MAST4: variants seen among roughly 807,000 people sequenced by gnomAD.
The protein encoded by MAST4 is microtubule-associated serine/threonine-protein kinase 4.
MAST4 carries 89 observed loss-of-function variants against 162.7 expected under a neutral mutation model. The ratio of observed to expected loss-of-function variants is 0.55; its 90% CI spans 0.46 to 0.65. MAST4 has a LOEUF of 0.65. MAST4 is among the 30% of genes least tolerant of loss of function. The pLI is 0.00. For missense variants in MAST4, 3,153 were observed against 3,374.0 expected (o/e 0.93, Z 1.62); for synonymous variants, 1,479 against 1,361.1 (o/e 1.09, Z -1.91).
intron 1 of MAST4, among the ~76,000 whole-genome samples, chr5:66,699,354 C>A (rs1749616476): frequency 6.6e-6 from 1 of 152,212 alleles, no homozygotes; most frequent in South Asian, 2.1e-4. Flanking sequence ...TTCTTTAGCA[C>A]ATTGCCCTAT....
At chr5:67,037,589 A>G (rs1756182640) in intron 4 of MAST4, among the ~76,000 whole-genome samples, 1 of 152,204 alleles carries the variant, frequency 6.6e-6, no homozygotes, top group Non-Finnish European at 1.5e-5. Context: ...AAAAAATATC[A>G]GGGAAGCAGT....
chr5:66,722,454 T>TTG (rs1491373727), intron 1 of MAST4, among the ~76,000 whole-genome samples: 1 of 55,598 alleles, frequency 1.8e-5, no homozygotes, highest in African/African-American at 5.8e-5. Flanking sequence ...TGGTTCTGGG[T>TTG]TTTTTTTTTT....
intron 1 of MAST4, among the ~76,000 whole-genome samples, chr5:66,635,575 C>T (rs1745056705): frequency 6.6e-6 from 1 of 152,066 alleles, no homozygotes; most frequent in Admixed American, 6.6e-5. Flanking sequence ...ACATGTGCAT[C>T]AAAACAAACT....
rs552282593 is a variant in MAST4 at position 67,114,267 on chromosome 5, G to A, written c.1591+48G>A. 38 of 1,570,242 alleles carry A rather than the reference G, an allele frequency of 2.4e-5. No individual in the cohort carries two copies. The South Asian group carries it at 3.8e-4, about 16-fold the overall frequency. On this transcript the variant is annotated intron_variant, in intron 12 of 28. Coordinates refer to ENST00000403625, the MANE Select transcript of MAST4 (RefSeq NM_001164664.2). ...CCTTTGACTTTGCTTATGCACTGTC[G>A]CCTCATAGAAGAAATCTAAGTGGCA...
intron 3 of MAST4, among the ~76,000 whole-genome samples, chr5:66,883,062 C>T (rs776103929): frequency 6.6e-6 from 1 of 152,140 alleles, no homozygotes; most frequent in Non-Finnish European, 1.5e-5. Context: ...ATAAAATATG[C>T]TAAGGACATA....
intron 1 of MAST4, among the ~76,000 whole-genome samples, chr5:66,737,677 A>T (rs1262298800): frequency 1.3e-5 from 2 of 152,084 alleles, no homozygotes; most frequent in African/African-American, 4.8e-5. Context: ...CTGTGCTTTT[A>T]TGGAAGGAGC....
Position 66,722,820 on chromosome 5 carries a change from C to T in MAST4, c.364-36889C>T, listed in dbSNP as rs143289078. Among the ~76,000 whole-genome samples, 17 of 152,180 alleles carry T rather than the reference C, an allele frequency of 1.1e-4. No homozygotes were observed. The East Asian group carries it at 1.7e-3, about 16-fold the overall frequency. ...TAGGGAGGCAATCATAGCTGCATAG[C>T]GAGGGAGAGGTGTCTGGGGAGAGAT... On this transcript the variant is annotated intron_variant, in intron 1 of 28. Transcript: ENST00000403625.
chr5:66,941,111 C>T (rs1417514248), intron 4 of MAST4, among the ~76,000 whole-genome samples: 2 of 152,072 alleles, frequency 1.3e-5, no homozygotes, highest in Non-Finnish European at 2.9e-5. Context: ...CTTTGTTGCT[C>T]TATGTATGGA....
At chr5:66,679,089 C>A (rs1748154161) in intron 1 of MAST4, among the ~76,000 whole-genome samples, 1 of 152,180 alleles carries the variant, frequency 6.6e-6, no homozygotes, top group Non-Finnish European at 1.5e-5. Flanking sequence ...CTGCTGGTAG[C>A]CTTAACTACA....
At chr5:67,029,064 G>A (rs7712606) in intron 4 of MAST4, among the ~76,000 whole-genome samples, 4,414 of 152,076 alleles carry the variant, frequency 0.029, 186 homozygotes, top group African/African-American at 0.088. Flanking sequence ...GAGCCTGGGA[G>A]GTTGAGACTA....
At position 67,166,273 on chromosome 5, in the gene MAST4, C is replaced by T; in HGVS notation, c.7094C>T (p.Thr2365Ile). Reference sequence around the variant, plus strand: ...AGCCCGAGTCAGCCGGCCGCCAACACCGACAGAAGGGCGGAAGGGAAGAAA... The same window carrying T: ...AGCCCGAGTCAGCCGGCCGCCAACATCGACAGAAGGGCGGAAGGGAAGAAA... Reference protein sequence around the residue: ...DKSPSQPAANTDRRAEGKKCT... With the variant: ...DKSPSQPAANIDRRAEGKKCT... Residue 2365 changes from threonine (T) to isoleucine (I), a missense_variant, in exon 29 of 29, where the codon ACC becomes ATC. Around this residue, in one of 7 missense-constraint regions of MAST4, gnomAD observed 1,644 missense variants for 1,495.0 expected, o/e 1.10. Transcript: ENST00000403625. 6.4e-7 allele frequency: 1 copy of T among 1,556,258 alleles called. No homozygotes were observed. Among genetic ancestry groups the T allele is most frequent in the Non-Finnish European group, 8.7e-7 (1 of 1,149,466 alleles).
chr5:66,633,550 G>A (rs1162722076), intron 1 of MAST4, among the ~76,000 whole-genome samples: 2 of 152,130 alleles, frequency 1.3e-5, no homozygotes, highest in Admixed American at 6.5e-5. Flanking sequence ...TGGTCCATTT[G>A]TATGGCAATA....
chr5:67,089,878 G>C (rs974859283), intron 5 of MAST4, among the ~76,000 whole-genome samples: 2 of 152,134 alleles, frequency 1.3e-5, no homozygotes, highest in African/African-American at 2.4e-5. Context: ...TGAAATATTT[G>C]TATTGTTATC....
intron 4 of MAST4, among the ~76,000 whole-genome samples, chr5:66,966,960 A>T (rs982752750): frequency 5.9e-5 from 9 of 152,244 alleles, no homozygotes; most frequent in African/African-American, 2.2e-4. Context: ...AGGTAGAGAT[A>T]TCTGGTTGGC....
chr5:66,998,807 G>T (rs559887555), intron 4 of MAST4, among the ~76,000 whole-genome samples: 1 of 152,296 alleles, frequency 6.6e-6, no homozygotes, highest in South Asian at 2.1e-4. Flanking sequence ...GACTGATAAT[G>T]TGCACAAAAT....
At chr5:66,792,423 G>A (rs1289532204) in intron 3 of MAST4, 2 of 166,724 alleles carry the variant, frequency 1.2e-5, no homozygotes, top group Non-Finnish European at 2.9e-5. Context: ...GCCCCTTGAG[G>A]GCAGAATTCT....
chr5:67,119,374 C>A (rs1229437897), intron 13 of MAST4, among the ~76,000 whole-genome samples: 2 of 152,106 alleles, frequency 1.3e-5, no homozygotes, highest in East Asian at 3.9e-4. Flanking sequence ...GATGCTGGTG[C>A]CATTCTCCTC....
chr5:67,056,533 C>T (rs1758849187), intron 5 of MAST4, among the ~76,000 whole-genome samples: 1 of 152,164 alleles, frequency 6.6e-6, no homozygotes, highest in Non-Finnish European at 1.5e-5. Flanking sequence ...ATTTTCTTCA[C>T]TTCTAATATT....
chr5:66,934,177 A>G (rs1474729405), intron 4 of MAST4, among the ~76,000 whole-genome samples: 3 of 148,388 alleles, frequency 2.0e-5, no homozygotes, highest in East Asian at 1.9e-4. Context: ...ACCCTTTACA[A>G]TGTGAATATA....
Sources: allele counts gnomAD v4.1 joint callset (sites outside exome capture counted in the v4.1 genomes callset), GRCh38; gene constraint gnomAD v4.1.1; regional missense constraint gnomAD v4.1.1; transcripts MANE v1.5; gene names NCBI Gene and HGNC (gene_info 2026-07-23, HGNC 2026-07-21).